The following PTPRM variants were observed in gnomAD, a reference collection of about 807,000 sequenced individuals.
The protein encoded by PTPRM is receptor-type tyrosine-protein phosphatase mu.
In PTPRM, 47 loss-of-function variants were observed where a neutral mutation model predicts 186.7. That is an observed-to-expected ratio of 0.25 (90% CI 0.20 to 0.32). The LOEUF is 0.32. Among genes scored for constraint, PTPRM ranks in the 10% least tolerant of loss-of-function variants. PTPRM has a pLI of 1.00. For missense variants in PTPRM, 1,494 were observed against 1,865.0 expected (o/e 0.80, Z 3.66); for synonymous variants, 668 against 674.9 (o/e 0.99, Z 0.16).
chr18:7,728,615 G>A (rs1347552555), intron 1 of PTPRM, among the ~76,000 whole-genome samples: 2 of 152,202 alleles, frequency 1.3e-5, no homozygotes, highest in African/African-American at 2.4e-5. Flanking sequence ...AGGCAAACTG[G>A]GGCAGATGTT....
chr18:8,092,767 C>A (rs1249434651), intron 11 of PTPRM, among the ~76,000 whole-genome samples: 3 of 152,092 alleles, frequency 2.0e-5, no homozygotes, highest in Non-Finnish European at 4.4e-5. Flanking sequence ...GAGTTTGAGA[C>A]CACCCTGGGC....
chr18:7,674,359 T>C (rs538921515), intron 1 of PTPRM, among the ~76,000 whole-genome samples: 1 of 152,066 alleles, frequency 6.6e-6, no homozygotes, highest in East Asian at 1.9e-4. Flanking sequence ...CTAGAGGAAG[T>C]GATGGAAGTA....
At chr18:7,656,896 T>G (rs576622022) in intron 1 of PTPRM, among the ~76,000 whole-genome samples, 1 of 152,210 alleles carries the variant, frequency 6.6e-6, no homozygotes, top group South Asian at 2.1e-4. Context: ...TGTGCAGTCA[T>G]CTGGTTGTCT....
chr18:7,634,862 T>C (rs1028342585), intron 1 of PTPRM, among the ~76,000 whole-genome samples: 1 of 152,198 alleles, frequency 6.6e-6, no homozygotes, highest in Non-Finnish European at 1.5e-5. Flanking sequence ...GTGTGAATTA[T>C]TTACATGAAC....
intron 2 of PTPRM, among the ~76,000 whole-genome samples, chr18:7,864,297 C>T (rs916887823): frequency 2.0e-5 from 3 of 152,146 alleles, no homozygotes; most frequent in African/African-American, 7.2e-5. Flanking sequence ...ATGGTATTGA[C>T]TAGGTTTTCT....
intron 7 of PTPRM, among the ~76,000 whole-genome samples, chr18:7,993,628 T>C (rs769467256): frequency 5.3e-4 from 81 of 152,232 alleles, no homozygotes; most frequent in Non-Finnish European, 1.0e-3. Context: ...ATTCACCAAA[T>C]GTGTCCTTCA....
rs1043681707 is a variant in PTPRM, at chr18:7,568,860, AC to A, written c.73+971del. Among the ~76,000 whole-genome samples the A allele has an allele frequency of 2.6e-5, 4 of 152,026 alleles. No homozygotes were observed. The highest frequency in any genetic ancestry group is 9.7e-5 in the African/African-American group (4 of 41,404). ...GTCACAGGGGTTTACAACCAGGATG[AC>A]CTTTATTACCTGGGTGACACAGGTG... On this transcript the variant is annotated intron_variant, in intron 1 of 32. Coordinates refer to ENST00000580170, the MANE Select transcript of PTPRM (RefSeq NM_001105244.2). This position sits in a 1 kb window ranked among gnomAD's most constrained non-coding sequence, Gnocchi z 5.1.
intron 1 of PTPRM, among the ~76,000 whole-genome samples, chr18:7,694,600 T>A (rs1404604052): frequency 6.6e-6 from 1 of 152,018 alleles, no homozygotes; most frequent in Non-Finnish European, 1.5e-5. Flanking sequence ...CTAATTTTTG[T>A]ATTTTTAGTA....
intron 2 of PTPRM, among the ~76,000 whole-genome samples, chr18:7,857,017 C>G (rs1314192210): frequency 6.6e-6 from 1 of 152,206 alleles, no homozygotes; most frequent in African/African-American, 2.4e-5. Context: ...AGAATGCTTT[C>G]CTGCTCCCTC....
chr18:8,052,702 C>T (rs2087596831), intron 7 of PTPRM, among the ~76,000 whole-genome samples: 1 of 152,124 alleles, frequency 6.6e-6, no homozygotes, highest in Non-Finnish European at 1.5e-5. Context: ...AGGATTTATG[C>T]CTAAGAATAT....
chr18:7,741,162 A>C (rs2040876852), intron 1 of PTPRM: 1 of 152,194 alleles, frequency 6.6e-6, no homozygotes, highest in Non-Finnish European at 1.5e-5. Context: ...AATGTGTATA[A>C]ATAACTCTTT....
chr18:8,157,872 C>T (rs577483610), intron 14 of PTPRM, among the ~76,000 whole-genome samples: 1 of 152,190 alleles, frequency 6.6e-6, no homozygotes, highest in Non-Finnish European at 1.5e-5. Flanking sequence ...GGTCTGCCAC[C>T]TGGGGTGGGA....
chr18:8,081,138 C>A (rs536986073), intron 9 of PTPRM, among the ~76,000 whole-genome samples: 1 of 152,270 alleles, frequency 6.6e-6, no homozygotes, highest in Non-Finnish European at 1.5e-5. Flanking sequence ...ACATGCAAGT[C>A]AAAGATTGCA....
intron 14 of PTPRM, among the ~76,000 whole-genome samples, chr18:8,164,246 G>A (rs2093281334): frequency 6.6e-6 from 1 of 152,186 alleles, no homozygotes; most frequent in Non-Finnish European, 1.5e-5. Context: ...TTCTTTAACA[G>A]CATGCAGTCC....
At chr18:7,960,584 C>T (rs1296560616) in intron 7 of PTPRM, among the ~76,000 whole-genome samples, 1 of 151,120 alleles carries the variant, frequency 6.6e-6, no homozygotes, top group East Asian at 1.9e-4. Flanking sequence ...GACTCCATTG[C>T]TACAAAAAAT....
chr18:7,685,079 C>T (rs942426304), intron 1 of PTPRM, among the ~76,000 whole-genome samples: 2 of 152,166 alleles, frequency 1.3e-5, no homozygotes, highest in African/African-American at 4.8e-5. Context: ...GATAGGCACA[C>T]GATTATAAAC....
At chr18:7,816,628 C>A (rs184802862) in intron 2 of PTPRM, among the ~76,000 whole-genome samples, 1 of 152,162 alleles carries the variant, frequency 6.6e-6, no homozygotes, top group Admixed American at 6.5e-5. Context: ...ATTCCTTTTT[C>A]TTGGAGTCAT....
At chr18:7,793,488 AT>A (rs11308222) in intron 2 of PTPRM, among the ~76,000 whole-genome samples, 13,027 of 152,130 alleles carry the variant, frequency 0.086, 1,674 homozygotes, top group African/African-American at 0.28. Flanking sequence ...TTTCTCTTAA[AT>A]TTTTTTCACT....
chr18:7,855,683 G>A (rs1176590295), intron 2 of PTPRM, among the ~76,000 whole-genome samples: 1 of 152,152 alleles, frequency 6.6e-6, no homozygotes, highest in Admixed American at 6.5e-5. Flanking sequence ...TGGTAACTAA[G>A]CTCCCAAAAG....
Sources: allele counts gnomAD v4.1 joint callset (sites outside exome capture counted in the v4.1 genomes callset), GRCh38; gene constraint gnomAD v4.1.1; non-coding constraint Gnocchi (gnomAD v3.1); transcripts MANE v1.5; gene names NCBI Gene and HGNC (gene_info 2026-07-23, HGNC 2026-07-21).